Variants in RTF2 observed in about 807,000 individuals in gnomAD.
RTF2 encodes the protein replication termination factor 2.
A neutral mutation model predicts 38.0 loss-of-function variants in RTF2; 18 were observed. The observed-to-expected ratio is 0.47, with a 90% CI of 0.33 to 0.70. The LOEUF is 0.70. Among genes scored for constraint, RTF2 ranks in the 30% least tolerant of loss-of-function variants. RTF2 has a pLI of 0.02. For missense variants in RTF2, 311 were observed against 379.6 expected (o/e 0.82, Z 1.50); for synonymous variants, 126 against 137.1 (o/e 0.92, Z 0.57).
rs538334556 is a variant in RTF2, at chr20:56,480,509, A to G, written c.398+3385A>G. Among the ~76,000 whole-genome samples, 6 of 152,356 alleles carry G rather than the reference A, an allele frequency of 3.9e-5. No homozygotes were observed. The East Asian group carries it at 1.2e-3, about 29-fold the overall frequency. On this transcript the variant is annotated intron_variant, in intron 4 of 8. Transcript: ENST00000357348. ...ACCATTCATCTGTTTATAGAGTGGC[A>G]CTTTTAATTTCCTTCAAGAACTTTT...
At chr20:56,488,647 G>A (rs1011098590) in intron 5 of RTF2, among the ~76,000 whole-genome samples, 11 of 152,222 alleles carry the variant, frequency 7.2e-5, no homozygotes, top group Non-Finnish European at 1.3e-4. Context: ...AGTATCTTAG[G>A]TTTCTGCCAT....
At chr20:56,485,348 T>A (rs1487445843) in intron 5 of RTF2, among the ~76,000 whole-genome samples, 1 of 151,900 alleles carries the variant, frequency 6.6e-6, no homozygotes, top group Non-Finnish European at 1.5e-5. Flanking sequence ...ACAGAAAGTG[T>A]GAGAGTGGAG....
At chr20:56,500,084 C>T (rs1413043330) in intron 5 of RTF2, among the ~76,000 whole-genome samples, 4 of 150,946 alleles carry the variant, frequency 2.6e-5, no homozygotes, top group South Asian at 2.1e-4. Context: ...GGAGGAGTTT[C>T]GCTCTTGTTG....
chr20:56,483,480 A>C (rs1982627397), intron 4 of RTF2, among the ~76,000 whole-genome samples: 2 of 151,792 alleles, frequency 1.3e-5, no homozygotes, highest in African/African-American at 4.8e-5. Context: ...CCACCATCAC[A>C]CTTGGCTAAG....
intron 5 of RTF2, among the ~76,000 whole-genome samples, chr20:56,496,090 A>G (rs536676187): frequency 8.1e-4 from 124 of 152,300 alleles, no homozygotes; most frequent in African/African-American, 2.9e-3. Context: ...CTTTCTAGAG[A>G]GGGAACAAAA....
rs141332067 is a variant in RTF2 at position 56,490,605 on chromosome 20, G to A, written c.477+6416G>A. Among the ~76,000 whole-genome samples, 992 of 152,270 alleles carry A rather than the reference G, an allele frequency of 6.5e-3. 14 individuals carry two copies. The highest frequency in any genetic ancestry group is 0.023 in the African/African-American group (942 of 41,548). On this transcript the variant is annotated intron_variant, in intron 5 of 8. Transcript: ENST00000357348. The stretch of plus-strand genomic sequence containing the variant: ...CAAGGCAGGCGGATCACCTGAGGTC[G>A]GGAGTTCGAGATCAGCCTGACCAAC...
intron 6 of RTF2, 82 bp from the exon 7 acceptor site, chr20:56,516,853 A>G: frequency 2.0e-6 from 2 of 1,024,006 alleles, no homozygotes; most frequent in South Asian, 2.6e-5. Flanking sequence ...CAGACAGGGC[A>G]CCCGGGACAA....
At chr20:56,469,734 T>C (rs1348967786) in intron 1 of RTF2, among the ~76,000 whole-genome samples, 5 of 152,162 alleles carry the variant, frequency 3.3e-5, no homozygotes, top group Admixed American at 3.3e-4. Context: ...ACATTAAGAA[T>C]AAAATCTCGT....
rs544594141 is a variant in RTF2, at chr20:56,513,033, A to G, written c.478-282A>G. On this transcript the variant is annotated intron_variant, in intron 5 of 8. Coordinates refer to ENST00000357348, the MANE Select transcript of RTF2 (RefSeq NM_016407.5). ...AAAAGGGTCTAGGCACGGTGAGCCAAGCTACTCTTGTCAGTTAAAAAATGG... is the reference window on the plus strand; with the variant it reads ...AAAAGGGTCTAGGCACGGTGAGCCAGGCTACTCTTGTCAGTTAAAAAATGG... 1.1e-4 allele frequency among the ~76,000 whole-genome samples: 16 copies of G among 152,306 alleles called. 1 individual carries two copies. Among genetic ancestry groups the G allele is most frequent in the Admixed American group, 1.0e-3 (16 of 15,294 alleles).
intron 4 of RTF2, among the ~76,000 whole-genome samples, chr20:56,483,232 A>G (rs1431752546): frequency 6.6e-6 from 1 of 152,118 alleles, no homozygotes; most frequent in East Asian, 1.9e-4. Context: ...TAAAAGTCAC[A>G]CTTTACTTGA....
At chr20:56,470,319 G>A (rs529300184) in intron 1 of RTF2, among the ~76,000 whole-genome samples, 3 of 152,210 alleles carry the variant, frequency 2.0e-5, no homozygotes, top group South Asian at 4.1e-4. Flanking sequence ...AACAGGTGTC[G>A]GAAGAGGGTA....
At chr20:56,512,220 A>G (rs1368728104) in intron 5 of RTF2, among the ~76,000 whole-genome samples, 1 of 152,128 alleles carries the variant, frequency 6.6e-6, no homozygotes, top group African/African-American at 2.4e-5. Flanking sequence ...GGTGGCCTAG[A>G]CAGATGGTGG....
intron 5 of RTF2, among the ~76,000 whole-genome samples, chr20:56,492,330 G>A (rs184264540): frequency 3.3e-5 from 5 of 150,944 alleles, no homozygotes; most frequent in African/African-American, 9.7e-5. Flanking sequence ...TTCCCACCTC[G>A]GCCTCCCAAA....
intron 5 of RTF2, among the ~76,000 whole-genome samples, chr20:56,505,464 G>A (rs1600825793): frequency 6.9e-6 from 1 of 145,392 alleles, no homozygotes; most frequent in South Asian, 2.2e-4. Flanking sequence ...CTGCAGTCTG[G>A]GCAACAGAGT....
chr20:56,517,205 G>A lies in RTF2; in HGVS notation c.742+4G>A, dbSNP rs1985103283. On this transcript the variant is annotated splice_donor_region_variant and intron_variant, in intron 8 of 8. Transcript: ENST00000357348. ...AACTTGGCTCCCAAAAGCACAGGTG[G>A]GTCCTGTTGTAGCTACAGGGAGCTG... is the stretch of plus-strand genomic sequence containing the variant. The A allele has an allele frequency of 1.2e-6, 2 of 1,612,584 alleles. No homozygotes were observed. The highest frequency in any genetic ancestry group is 2.2e-5 in the South Asian group (2 of 90,956).
chr20:56,482,633 G>T (rs989212617), intron 4 of RTF2, among the ~76,000 whole-genome samples: 12 of 152,182 alleles, frequency 7.9e-5, no homozygotes, highest in Non-Finnish European at 2.9e-5. Flanking sequence ...CTAATAATTT[G>T]TAAGTATCTA....
At chr20:56,495,398 T>C (rs1983457640) in intron 5 of RTF2, 3 of 908,448 alleles carry the variant, frequency 3.3e-6, no homozygotes, top group South Asian at 3.0e-5. Flanking sequence ...CTAGATGAGG[T>C]AGTCAATGAG....
In RTF2 at chr20:56,504,035, A is replaced by G. The variant is rs920650550; in HGVS notation, c.478-9280A>G. On this transcript the variant is annotated intron_variant, in intron 5 of 8. Coordinates refer to ENST00000357348, the MANE Select transcript of RTF2 (RefSeq NM_016407.5). ...AACCTTTGCCATTGGTGGGTCCTGCATAGCTATTGAGACGCTTACCAGGAG... is the reference window on the plus strand; with the variant it reads ...AACCTTTGCCATTGGTGGGTCCTGCGTAGCTATTGAGACGCTTACCAGGAG... 4.6e-5 allele frequency: 7 copies of G among 152,424 alleles called. No homozygotes were observed. The Middle Eastern group carries it at 0.01, about 222-fold the overall frequency. 9.4% of individuals were successfully genotyped at this position (152,424 alleles called of 1,614,324 possible).
intron 5 of RTF2, chr20:56,504,392 A>G (rs373480577): frequency 1.3e-5 from 2 of 152,220 alleles, no homozygotes; most frequent in African/African-American, 4.8e-5. Context: ...CGTGGCATTC[A>G]TGGGTCAGCG....
Sources: allele counts gnomAD v4.1 joint callset (sites outside exome capture counted in the v4.1 genomes callset), GRCh38; gene constraint gnomAD v4.1.1; transcripts MANE v1.5; gene names NCBI Gene and HGNC (gene_info 2026-07-23, HGNC 2026-07-21).